The following PRKAG2 variants were observed in gnomAD, a reference collection of about 807,000 sequenced individuals.
PRKAG2 encodes protein kinase AMP-activated non-catalytic subunit gamma 2.
Under a neutral mutation model 69.6 loss-of-function variants are expected in PRKAG2, and 26 were observed. The ratio of observed to expected loss-of-function variants is 0.37; its 90% CI spans 0.27 to 0.52. PRKAG2 has a LOEUF of 0.52. Among genes scored for constraint, PRKAG2 ranks in the 20% least tolerant of loss-of-function variants. The probability of loss-of-function intolerance (pLI) is 0.90; values close to 1 mark genes in which losing one functional copy is unlikely to be tolerated. For missense variants in PRKAG2, 557 were observed against 740.0 expected, an observed-to-expected ratio of 0.75 and a Z score of 2.87; for synonymous variants, 293 against 285.0, an observed-to-expected ratio of 1.03 and a Z score of -0.28.
chr7:151,655,379 G>A lies in PRKAG2; in HGVS notation c.684+20041C>T, dbSNP rs76116903. Among the ~76,000 whole-genome samples the A allele has an allele frequency of 2.5e-4, 38 of 152,220 alleles. 1 individual carries two copies. In the East Asian group the frequency reaches 7.0e-3, roughly 28 times the overall value. On this transcript the variant is annotated intron_variant, in intron 4 of 15. Coordinates refer to ENST00000287878, the MANE Select transcript of PRKAG2 (RefSeq NM_016203.4). ...CTCTCTGCTGCTGGACCCTAACACA[G>A]CCCATGCAGAATCACCTGTGTGTGA...
At chr7:151,838,450 A>G (rs1322578553) in intron 1 of PRKAG2, among the ~76,000 whole-genome samples, 6 of 151,792 alleles carry the variant, frequency 4.0e-5, no homozygotes, top group Non-Finnish European at 8.8e-5. Context: ...GCTCACATCT[A>G]TAATCCCAGC....
chr7:151,741,048 G>A (rs982396440), intron 3 of PRKAG2, among the ~76,000 whole-genome samples: 1 of 151,842 alleles, frequency 6.6e-6, no homozygotes, highest in East Asian at 1.9e-4. Context: ...TTGTTTTCTC[G>A]ATTTAAAAAT....
At chr7:151,646,395 C>A (rs1312500122) in intron 4 of PRKAG2, among the ~76,000 whole-genome samples, 1 of 152,166 alleles carries the variant, frequency 6.6e-6, no homozygotes, top group Non-Finnish European at 1.5e-5. Flanking sequence ...TCTTACATAT[C>A]TTTTGTTAAA....
intron 4 of PRKAG2, among the ~76,000 whole-genome samples, chr7:151,651,169 G>A (rs1190045863): frequency 1.3e-5 from 2 of 152,172 alleles, no homozygotes; most frequent in Non-Finnish European, 2.9e-5. Context: ...GGAGATTAGT[G>A]GTGTTATTAA....
chr7:151,861,253 G>A (rs568844996), intron 1 of PRKAG2, among the ~76,000 whole-genome samples: 8 of 152,274 alleles, frequency 5.3e-5, no homozygotes, highest in South Asian at 2.1e-4. Flanking sequence ...CCTGCAGGAC[G>A]GGCATGGTAG....
Position 151,848,358 on chromosome 7 carries a change from C to T in PRKAG2, c.114+28149G>A, listed in dbSNP as rs2151893371. Reference sequence around the variant, plus strand: ...CAAGGTGCCACCTTGGAAGCAGAGACCAGGCCCTCACCCAACACCGAACCT... The same window carrying T: ...CAAGGTGCCACCTTGGAAGCAGAGATCAGGCCCTCACCCAACACCGAACCT... On this transcript the variant is annotated intron_variant, in intron 1 of 15. Coordinates refer to ENST00000287878, the MANE Select transcript of PRKAG2 (RefSeq NM_016203.4). Among the ~76,000 whole-genome samples the T allele has an allele frequency of 2.0e-5, 3 of 152,152 alleles. No homozygotes were observed. In the South Asian group the frequency reaches 6.2e-4, roughly 32 times the overall value.
intron 1 of PRKAG2, among the ~76,000 whole-genome samples, chr7:151,845,325 G>C (rs2079405142): frequency 6.6e-6 from 1 of 152,156 alleles, no homozygotes; most frequent in South Asian, 2.1e-4. Context: ...CTGCAAGAGG[G>C]CTCCGGCTCT....
intron 1 of PRKAG2, among the ~76,000 whole-genome samples, chr7:151,874,027 G>A (rs534681106): frequency 1.4e-5 from 2 of 147,706 alleles, no homozygotes; most frequent in South Asian, 4.2e-4. Context: ...TGTATATGAT[G>A]TATATGTATA....
chr7:151,624,096 T>A (rs1190858993), intron 5 of PRKAG2, among the ~76,000 whole-genome samples: 1 of 151,522 alleles, frequency 6.6e-6, no homozygotes, highest in Non-Finnish European at 1.5e-5. Flanking sequence ...TTATATAAAT[T>A]CAGATACATG....
In PRKAG2 at chr7:151,667,687, G is replaced by T. The variant is rs944433546; in HGVS notation, c.684+7733C>A. 1.3e-4 allele frequency among the ~76,000 whole-genome samples: 20 copies of T among 152,280 alleles called. No homozygotes were observed. The South Asian group carries it at 3.5e-3, about 27-fold the overall frequency. On this transcript the variant is annotated intron_variant, in intron 4 of 15. Coordinates refer to ENST00000287878, the MANE Select transcript of PRKAG2 (RefSeq NM_016203.4). ...CTCAAGGGACCTTGCATATACTTCT[G>T]TCTCTCTTGGAACCCTGTCACAGGC...
Position 151,835,394 on chromosome 7 carries a change from A to G in PRKAG2, c.114+41113T>C, listed in dbSNP as rs898207266. Reference sequence around the variant, plus strand: ...ATTTTTTGTAGAGACGGGTCTCCCTATGTTGCCCAGGCTGGTCTCGAACTC... The same window carrying G: ...ATTTTTTGTAGAGACGGGTCTCCCTGTGTTGCCCAGGCTGGTCTCGAACTC... On this transcript the variant is annotated intron_variant, in intron 1 of 15. Transcript: ENST00000287878. The surrounding 1 kb of genome is among the most constrained non-coding windows in gnomAD (Gnocchi z 4.1). Among the ~76,000 whole-genome samples the G allele has an allele frequency of 1.3e-5, 2 of 151,782 alleles. No individual in the cohort carries two copies. Among genetic ancestry groups the G allele is most frequent in the African/African-American group, 2.4e-5 (1 of 41,320 alleles).
In PRKAG2 at chr7:151,876,390, G is replaced by A. The variant is rs1160551765; in HGVS notation, c.114+117C>T. On this transcript the variant is annotated intron_variant, in intron 1 of 15. Coordinates refer to ENST00000287878, the MANE Select transcript of PRKAG2 (RefSeq NM_016203.4). ...CCTCTACCCTTTCCCCAAGCCGCCC[G>A]AAGTGACAGGAGGGGCACGCACGGC... is the stretch of plus-strand genomic sequence containing the variant. 4.9e-6 allele frequency: 5 copies of A among 1,028,970 alleles called. No individual in the cohort carries two copies. In the East Asian group the frequency reaches 9.6e-5, roughly 20 times the overall value. The allele number at this position is 1,028,970 out of a possible 1,614,324, so 63.7% of individuals were successfully genotyped here.
chr7:151,849,267 C>T (rs141596447), intron 1 of PRKAG2, among the ~76,000 whole-genome samples: 33 of 152,360 alleles, frequency 2.2e-4, no homozygotes, highest in African/African-American at 7.2e-4. Flanking sequence ...TCTGGCAGGG[C>T]CCTGCTCCCT....
At chr7:151,809,964 A>G (rs1473127246) in intron 1 of PRKAG2, 1 of 152,304 alleles carries the variant, frequency 6.6e-6, no homozygotes, top group Non-Finnish European at 1.5e-5. Context: ...AGCCACAGCA[A>G]TGGGCCCCAA....
rs921485966 is a variant in PRKAG2, at chr7:151,699,827, T to A, written c.467-24190A>T. On this transcript the variant is annotated intron_variant, in intron 3 of 15. Coordinates refer to ENST00000287878, the MANE Select transcript of PRKAG2 (RefSeq NM_016203.4). The surrounding 1 kb of genome is among the most constrained non-coding windows in gnomAD (Gnocchi z 4.5). ...CCCTCAGAGGAGGCAGTGGGGAGGT[T>A]CTTGATATAGGCTGGTCTTTAAGAA... 5.9e-5 allele frequency among the ~76,000 whole-genome samples: 9 copies of A among 152,078 alleles called. No individual in the cohort carries two copies. The highest frequency in any genetic ancestry group is 2.2e-4 in the African/African-American group (9 of 41,388).
intron 4 of PRKAG2, among the ~76,000 whole-genome samples, chr7:151,648,455 T>G (rs895805558): frequency 3.3e-5 from 5 of 152,120 alleles, no homozygotes; most frequent in African/African-American, 1.2e-4. Flanking sequence ...GGAGTCAGCA[T>G]GAAGGGCTGG....
rs1457294737 is a variant in PRKAG2 at position 151,705,515 on chromosome 7, C to T, written c.467-29878G>A. 5.3e-5 allele frequency among the ~76,000 whole-genome samples: 8 copies of T among 152,244 alleles called. No individual in the cohort carries two copies. In the South Asian group the frequency reaches 1.5e-3, roughly 28 times the overall value. On this transcript the variant is annotated intron_variant, in intron 3 of 15. Transcript: ENST00000287878. ...CACACACAGCTGGGCGAGGGGACAG[C>T]CGACTGTCTGTGACAGACACTCCTT...
intron 3 of PRKAG2, among the ~76,000 whole-genome samples, chr7:151,715,008 T>C (rs1000220302): frequency 1.8e-5 from 2 of 112,480 alleles, no homozygotes; most frequent in Non-Finnish European, 3.7e-5. Flanking sequence ...TTCTACCCAA[T>C]TAAAAGCAAT....
intron 1 of PRKAG2, among the ~76,000 whole-genome samples, chr7:151,829,920 A>G (rs1442119500): frequency 2.0e-5 from 3 of 151,654 alleles, no homozygotes; most frequent in Non-Finnish European, 4.4e-5. Context: ...TCCTGAGGAG[A>G]CCGAGGCGCA....
Sources: gnomAD v4.1 joint callset for allele counts (sites outside exome capture counted in the v4.1 genomes callset) on GRCh38, gnomAD v4.1.1 for gene constraint, Gnocchi (gnomAD v3.1) non-coding constraint, MANE v1.5 for transcripts, NCBI Gene and HGNC (gene_info 2026-07-23, HGNC 2026-07-21) for gene names.